The following CHST9 variants were observed in gnomAD, a reference collection of about 807,000 sequenced individuals.
CHST9 encodes GalNAc-4-sulfotransferase 2.
A neutral mutation model predicts 44.4 loss-of-function variants in CHST9; 41 were observed. That is an observed-to-expected ratio of 0.92 (90% CI 0.72 to 1.20). CHST9 has a LOEUF of 1.20. Ranked by LOEUF, CHST9 falls within the 50% of genes most tolerant of loss-of-function variation. CHST9 has a pLI of 0.00. For missense variants in CHST9, 504 were observed against 516.5 expected, an observed-to-expected ratio of 0.98 and a Z score of 0.23; for synonymous variants, 171 against 178.4, an observed-to-expected ratio of 0.96 and a Z score of 0.33.
At chr18:27,085,054 T>C (rs1424760219) in intron 2 of CHST9, among the ~76,000 whole-genome samples, 4 of 152,128 alleles carry the variant, frequency 2.6e-5, no homozygotes, top group Admixed American at 6.5e-5. Flanking sequence ...AATTGCTTTA[T>C]GGACAAGCAT....
At position 26,910,395 on chromosome 18, in the gene CHST9, CG is replaced by C. The variant is rs2145030751; in HGVS notation, c.*5863del. On this transcript the variant is annotated 3_prime_UTR_variant, in exon 6 of 6. Coordinates refer to ENST00000618847, the MANE Select transcript of CHST9 (RefSeq NM_031422.6). ...GAGTTGATTTCCTTTGGAAGCTTGG[CG>C]GGGGAAGGAATACACTCTTCAGAGC... 1 of 152,104 alleles carries C rather than the reference CG, an allele frequency of 6.6e-6. No homozygotes were observed. Among genetic ancestry groups the C allele is most frequent in the Non-Finnish European group, 1.5e-5 (1 of 68,036 alleles). 9.4% of individuals were successfully genotyped at this position (152,104 alleles called of 1,614,324 possible).
intron 2 of CHST9, among the ~76,000 whole-genome samples, chr18:27,104,037 TATG>T (rs1367594238): frequency 6.6e-6 from 1 of 152,178 alleles, no homozygotes; most frequent in African/African-American, 2.4e-5. Context: ...AAATATATAA[TATG>T]ATATTTAAAA....
At chr18:26,959,980 A>G (rs1375751149) in intron 4 of CHST9, among the ~76,000 whole-genome samples, 1 of 152,194 alleles carries the variant, frequency 6.6e-6, no homozygotes, top group Non-Finnish European at 1.5e-5. Context: ...GGAATAAAAG[A>G]GGAGCAAGAT....
In CHST9 at chr18:27,067,029, A is replaced by G. The variant is rs2057789006; in HGVS notation, c.122-18526T>C. Among the ~76,000 whole-genome samples the G allele has an allele frequency of 2.6e-5, 4 of 152,134 alleles. No homozygotes were observed. The South Asian group carries it at 8.3e-4, about 32-fold the overall frequency. ...TTAAGATAGAATTATCTATATTCCA[A>G]ACATTAAATTCCAGTAGTAGGACCC... On this transcript the variant is annotated intron_variant, in intron 2 of 5. Transcript: ENST00000618847.
chr18:27,014,184 A>AAC (rs756333904), intron 4 of CHST9, among the ~76,000 whole-genome samples: 4 of 151,854 alleles, frequency 2.6e-5, no homozygotes, highest in South Asian at 2.1e-4. Context: ...AATTTTAGTT[A>AAC]ACACACACAC....
At chr18:27,182,724 G>A (rs2058922412) in intron 1 of CHST9, among the ~76,000 whole-genome samples, 1 of 152,148 alleles carries the variant, frequency 6.6e-6, no homozygotes, top group Non-Finnish European at 1.5e-5. Context: ...CAAACAAAGA[G>A]TGTGAATCTA....
At chr18:27,149,991 T>C (rs1050076525) in intron 1 of CHST9, among the ~76,000 whole-genome samples, 1 of 152,140 alleles carries the variant, frequency 6.6e-6, no homozygotes, top group African/African-American at 2.4e-5. Context: ...CAGACTGCAA[T>C]ATAAAAGTTA....
chr18:27,080,433 A>T (rs943682131), intron 2 of CHST9, among the ~76,000 whole-genome samples: 2 of 151,820 alleles, frequency 1.3e-5, no homozygotes, highest in Non-Finnish European at 2.9e-5. Flanking sequence ...ATTTCGTCAC[A>T]TTGTTTTTGA....
chr18:26,909,075 G>A lies in CHST9; in HGVS notation c.*7184C>T, dbSNP rs2055405892. ...CATTCTGAAAGCTTTCAAAAAGTTTGGGCAGTGCCCAGTGCTGTCCCCGTC... is the reference window on the plus strand; with the variant it reads ...CATTCTGAAAGCTTTCAAAAAGTTTAGGCAGTGCCCAGTGCTGTCCCCGTC... On this transcript the variant is annotated 3_prime_UTR_variant, in exon 6 of 6. Transcript: ENST00000618847. The A allele has an allele frequency of 2.0e-5, 3 of 152,320 alleles. No individual in the cohort carries two copies. The highest frequency in any genetic ancestry group is 6.5e-5 in the Admixed American group (1 of 15,304). 9.4% of individuals were successfully genotyped at this position (152,320 alleles called of 1,614,324 possible). A position where few individuals can be genotyped will look rare whatever the true frequency, so the allele number is the denominator to read the frequency against.
At position 27,091,764 on chromosome 18, in the gene CHST9, GTTGAACCAGCT is replaced by G. The variant is rs1389405306; in HGVS notation, c.122-43272_122-43262del. 2.3e-4 allele frequency among the ~76,000 whole-genome samples: 35 copies of G among 152,172 alleles called. 1 individual carries two copies. The highest frequency in any genetic ancestry group is 1.0e-4 in the Non-Finnish European group (7 of 68,038). On this transcript the variant is annotated intron_variant, in intron 2 of 5. Transcript: ENST00000618847. The stretch of plus-strand genomic sequence containing the variant: ...GGATTATGTTTATTGATTTGCATAT[GTTGAACCAGCT>G]TTGCATTCCAGGGATGAAGCCAACT...
rs1037022338 is a variant in CHST9 at position 26,912,415 on chromosome 18, A to C, written c.*3844T>G. 2.6e-5 allele frequency: 4 copies of C among 151,174 alleles called. No homozygotes were observed. The highest frequency in any genetic ancestry group is 9.8e-5 in the African/African-American group (4 of 40,946). 9.4% of individuals were successfully genotyped at this position (151,174 alleles called of 1,614,324 possible). A position where few individuals can be genotyped will look rare whatever the true frequency, so the allele number is the denominator to read the frequency against. ...CACACACACACACACACACACACAG[A>C]CACCCATATTTGTATGGAAAAAATT... On this transcript the variant is annotated 3_prime_UTR_variant, in exon 6 of 6. Transcript: ENST00000618847.
At chr18:27,164,935 T>C (rs1207009864) in intron 1 of CHST9, among the ~76,000 whole-genome samples, 1 of 152,202 alleles carries the variant, frequency 6.6e-6, no homozygotes, top group Non-Finnish European at 1.5e-5. Context: ...TTCAGACAAG[T>C]TCTCAAAATA....
chr18:26,959,306 A>T (rs4800777), intron 4 of CHST9, among the ~76,000 whole-genome samples: 3 of 152,168 alleles, frequency 2.0e-5, no homozygotes, highest in Admixed American at 2.0e-4. Context: ...TCGACACTGA[A>T]GACCACTAGA....
intron 4 of CHST9, among the ~76,000 whole-genome samples, chr18:27,020,504 C>T (rs2057211830): frequency 1.3e-5 from 2 of 152,186 alleles, no homozygotes; most frequent in Non-Finnish European, 2.9e-5. Context: ...TCACAGGTGC[C>T]TGGAATTTTG....
chr18:26,975,737 A>ATATATGTGTGTGTGTGTGTG (rs2056615210), intron 4 of CHST9, among the ~76,000 whole-genome samples: 1 of 85,950 alleles, frequency 1.2e-5, no homozygotes, highest in African/African-American at 4.2e-5. Flanking sequence ...ATATATATAT[A>ATATATGTGTGTGTGTGTGTG]TATATATATA....
At chr18:26,929,886 C>G (rs2055845363) in intron 5 of CHST9, among the ~76,000 whole-genome samples, 1 of 152,172 alleles carries the variant, frequency 6.6e-6, no homozygotes, top group Non-Finnish European at 1.5e-5. Context: ...TTCCAGGAAG[C>G]AGCATATACC....
At chr18:27,082,626 T>A (rs1252976292) in intron 2 of CHST9, among the ~76,000 whole-genome samples, 1 of 152,202 alleles carries the variant, frequency 6.6e-6, no homozygotes, top group Non-Finnish European at 1.5e-5. Context: ...CCAAGGCAAT[T>A]TCTAAGTAAA....
At chr18:27,043,326 C>T (rs535696498) in intron 3 of CHST9, among the ~76,000 whole-genome samples, 1 of 152,158 alleles carries the variant, frequency 6.6e-6, no homozygotes, top group African/African-American at 2.4e-5. Flanking sequence ...GGCTCTATTG[C>T]CCATAACCTA....
Position 26,939,774 on chromosome 18 carries a change from G to A in CHST9, c.240+4555C>T, listed in dbSNP as rs1043574299. Among the ~76,000 whole-genome samples the A allele has an allele frequency of 2.0e-5, 3 of 152,304 alleles. No individual in the cohort carries two copies. In the East Asian group the frequency reaches 5.8e-4, roughly 29 times the overall value. On this transcript the variant is annotated intron_variant, in intron 5 of 5. Coordinates refer to ENST00000618847, the MANE Select transcript of CHST9 (RefSeq NM_031422.6). ...GACCCTGGACTTAGCCTGGGGACTCGTGGGCAGGGCCTGCATCTGCCCCCA... is the reference window on the plus strand; with the variant it reads ...GACCCTGGACTTAGCCTGGGGACTCATGGGCAGGGCCTGCATCTGCCCCCA...
Sources: gnomAD v4.1 joint callset for allele counts (sites outside exome capture counted in the v4.1 genomes callset) on GRCh38, gnomAD v4.1.1 for gene constraint, MANE v1.5 for transcripts, NCBI Gene and HGNC (gene_info 2026-07-23, HGNC 2026-07-21) for gene names.